GRIN2A: variants seen among roughly 807,000 people sequenced by gnomAD.
GRIN2A encodes glutamate ionotropic receptor NMDA type subunit 2A.
Under a neutral mutation model 113.4 loss-of-function variants are expected in GRIN2A, and 22 were observed. The observed-to-expected ratio is 0.19, with a 90% CI of 0.14 to 0.28. GRIN2A has a LOEUF of 0.28. Ranked by LOEUF, GRIN2A falls within the 10% of genes least tolerant of loss-of-function variation. The pLI is 1.00. For missense variants in GRIN2A, 1,502 were observed against 1,887.0 expected, an observed-to-expected ratio of 0.80 and a Z score of 3.78; for synonymous variants, 827 against 738.4, an observed-to-expected ratio of 1.12 and a Z score of -1.94.
At chr16:10,092,276 C>T (rs1206131162) in intron 2 of GRIN2A, among the ~76,000 whole-genome samples, 1 of 152,182 alleles carries the variant, frequency 6.6e-6, no homozygotes, top group Non-Finnish European at 1.5e-5. Flanking sequence ...TTCATCTTTT[C>T]TGTTCTAGAA....
At chr16:10,172,298 T>C (rs1384959733) in intron 2 of GRIN2A, among the ~76,000 whole-genome samples, 1 of 152,216 alleles carries the variant, frequency 6.6e-6, no homozygotes, top group Non-Finnish European at 1.5e-5. Context: ...CATGGCTGCC[T>C]GGAGTACTGT....
At chr16:10,074,631 A>C (rs1045410770) in intron 2 of GRIN2A, among the ~76,000 whole-genome samples, 8 of 152,246 alleles carry the variant, frequency 5.3e-5, no homozygotes, top group Non-Finnish European at 1.2e-4. Context: ...AACCAGACGC[A>C]AAAGGCCATG....
chr16:9,851,848 A>G (rs140794868), intron 4 of GRIN2A, among the ~76,000 whole-genome samples: 41 of 152,332 alleles, frequency 2.7e-4, no homozygotes, highest in African/African-American at 9.9e-4. Context: ...TGAGCCAAAA[A>G]GTACCAAAAA....
At position 9,819,921 on chromosome 16, in the gene GRIN2A, CAAAAAAAAAAAA is replaced by C. The variant is rs71157787; in HGVS notation, c.2168+2331_2168+2342del. Among the ~76,000 whole-genome samples, 14 of 63,676 alleles carry C rather than the reference CAAAAAAAAAAAA, an allele frequency of 2.2e-4. 1 individual carries two copies. The East Asian group carries it at 8.0e-3, about 36-fold the overall frequency. 41.8% of individuals were successfully genotyped at this position (63,676 alleles called of 152,430 possible). ...GAGCAACAAGAGCGAAACTCCGTCT[CAAAAAAAAAAAA>C]AAAAAAAAAAAAAAAAGACTTGTAC... On this transcript the variant is annotated intron_variant, in intron 10 of 12. Coordinates refer to ENST00000330684, the MANE Select transcript of GRIN2A (RefSeq NM_001134407.3).
At position 9,757,177 on chromosome 16, in the gene GRIN2A, G is replaced by A. The variant is rs1485867618; in HGVS notation, c.*5972C>T. ...AGGAGGCATGATTTGGCAAGGACTG[G>A]AGAACTGGTTGGAACCAGACAAAAG... On this transcript the variant is annotated 3_prime_UTR_variant, in exon 13 of 13. Coordinates refer to ENST00000330684, the MANE Select transcript of GRIN2A (RefSeq NM_001134407.3). 1 of 218,554 alleles carries A rather than the reference G, an allele frequency of 4.6e-6. No homozygotes were observed. Among genetic ancestry groups the A allele is most frequent in the African/African-American group, 2.2e-5 (1 of 44,524 alleles). 13.5% of individuals were successfully genotyped at this position (218,554 alleles called of 1,614,324 possible). A position where few individuals can be genotyped will look rare whatever the true frequency, so the allele number is the denominator to read the frequency against.
intron 3 of GRIN2A, among the ~76,000 whole-genome samples, chr16:9,912,472 A>G (rs1215073823): frequency 7.4e-6 from 1 of 135,620 alleles, no homozygotes; most frequent in Non-Finnish European, 1.5e-5. Flanking sequence ...GGAATAATGA[A>G]AAGATAAAGC....
chr16:9,932,485 C>T (rs900511949), intron 3 of GRIN2A, among the ~76,000 whole-genome samples: 2 of 152,116 alleles, frequency 1.3e-5, no homozygotes, highest in Admixed American at 1.3e-4. Context: ...AAGTGATTCT[C>T]CTGCCTCAGC....
chr16:10,181,481 C>A (rs570656608), intron 1 of GRIN2A: 1 of 152,360 alleles, frequency 6.6e-6, no homozygotes, highest in African/African-American at 2.4e-5. Flanking sequence ...CGCTTTTCTG[C>A]GCACTTCCTC....
intron 11 of GRIN2A, among the ~76,000 whole-genome samples, chr16:9,775,799 C>T (rs1901562359): frequency 6.6e-6 from 1 of 152,190 alleles, no homozygotes; most frequent in Non-Finnish European, 1.5e-5. Flanking sequence ...GCTCATGTTT[C>T]TCCAGTCATG....
rs1018399229 is a variant in GRIN2A at position 9,980,918 on chromosome 16, A to G, written c.415-42367T>C. ...ATGAGTTAATGGGTGCAGCACACCAACATGGCACATGTACACATATGTAAC... is the reference window on the plus strand; with the variant it reads ...ATGAGTTAATGGGTGCAGCACACCAGCATGGCACATGTACACATATGTAAC... On this transcript the variant is annotated intron_variant, in intron 2 of 12. Coordinates refer to ENST00000330684, the MANE Select transcript of GRIN2A (RefSeq NM_001134407.3). 7.2e-5 allele frequency among the ~76,000 whole-genome samples: 11 copies of G among 152,078 alleles called. No homozygotes were observed. The East Asian group carries it at 1.4e-3, about 19-fold the overall frequency.
intron 2 of GRIN2A, among the ~76,000 whole-genome samples, chr16:10,039,539 G>C (rs905629173): frequency 7.9e-5 from 12 of 152,026 alleles, no homozygotes; most frequent in Non-Finnish European, 1.3e-4. Context: ...ATGGGAGCAA[G>C]GCTTACCAAG....
intron 2 of GRIN2A, among the ~76,000 whole-genome samples, chr16:10,109,932 G>C (rs1358415203): frequency 6.6e-6 from 1 of 151,476 alleles, no homozygotes; most frequent in Non-Finnish European, 1.5e-5. Flanking sequence ...TTAAGTTTTA[G>C]GGTACATGTG....
At chr16:10,054,963 G>A (rs751622978) in intron 2 of GRIN2A, among the ~76,000 whole-genome samples, 11 of 143,976 alleles carry the variant, frequency 7.6e-5, no homozygotes, top group Admixed American at 1.5e-4. Context: ...CAGGAGAATC[G>A]CTTGAACCCA....
intron 2 of GRIN2A, among the ~76,000 whole-genome samples, chr16:10,025,404 G>T (rs948081130): frequency 1.1e-4 from 16 of 146,194 alleles, no homozygotes; most frequent in Non-Finnish European, 1.8e-4. Flanking sequence ...CTGGGCTCAG[G>T]CATCCTCCTG....
At chr16:10,147,148 C>T (rs552812953) in intron 2 of GRIN2A, among the ~76,000 whole-genome samples, 1 of 152,154 alleles carries the variant, frequency 6.6e-6, no homozygotes, top group East Asian at 1.9e-4. Flanking sequence ...GTATGCCAGG[C>T]ATAGTATTAA....
chr16:9,831,947 G>C (rs1410009993), intron 8 of GRIN2A, among the ~76,000 whole-genome samples: 1 of 151,514 alleles, frequency 6.6e-6, no homozygotes, highest in Non-Finnish European at 1.5e-5. Flanking sequence ...ATAGAGACAG[G>C]GTCTTGCTCT....
chr16:9,852,360 A>T (rs537382358), intron 4 of GRIN2A, among the ~76,000 whole-genome samples: 7 of 152,190 alleles, frequency 4.6e-5, no homozygotes, highest in Non-Finnish European at 1.0e-4. Flanking sequence ...TCCCAAGATA[A>T]TGTAAATTAA....
intron 10 of GRIN2A, among the ~76,000 whole-genome samples, chr16:9,804,182 C>T (rs189002697): frequency 5.8e-4 from 88 of 152,226 alleles, no homozygotes; most frequent in East Asian, 1.6e-3. Flanking sequence ...AACGGAAGCC[C>T]GCCATATTTC....
In GRIN2A at chr16:9,818,630, A is replaced by G. The variant is rs7184758; in HGVS notation, c.2168+3634T>C. Among the ~76,000 whole-genome samples, 1,262 of 152,292 alleles carry G rather than the reference A, an allele frequency of 8.3e-3. 21 individuals carry two copies. The highest frequency in any genetic ancestry group is 0.029 in the African/African-American group (1,192 of 41,576). ...ACCAATAGAAATATTAATAAAAGTAAAAAAGGAATTGCCGATGGCTCTTAA... is the reference window on the plus strand; with the variant it reads ...ACCAATAGAAATATTAATAAAAGTAGAAAAGGAATTGCCGATGGCTCTTAA... On this transcript the variant is annotated intron_variant, in intron 10 of 12. Transcript: ENST00000330684.
Sources: allele counts gnomAD v4.1 joint callset (sites outside exome capture counted in the v4.1 genomes callset), GRCh38; gene constraint gnomAD v4.1.1; transcripts MANE v1.5; gene names NCBI Gene and HGNC (gene_info 2026-07-23, HGNC 2026-07-21).